PKD2: variants seen among roughly 807,000 people sequenced by gnomAD.
PKD2 encodes polycystin-2.
Under a neutral mutation model 105.9 loss-of-function variants are expected in PKD2, and 48 were observed. The ratio of observed to expected loss-of-function variants is 0.45; its 90% CI spans 0.36 to 0.58. The LOEUF is 0.58. Among genes scored for constraint, PKD2 ranks in the 20% least tolerant of loss-of-function variants. PKD2 has a pLI of 0.00. For missense variants in PKD2, 1,078 were observed against 1,255.3 expected, an observed-to-expected ratio of 0.86 and a Z score of 2.13; for synonymous variants, 464 against 481.1, an observed-to-expected ratio of 0.96 and a Z score of 0.46.
At chr4:88,056,372 ACCAGT>A in intron 8 of PKD2, 105 bp downstream of exon 8, 1 of 708,962 alleles carries the variant, frequency 1.4e-6, no homozygotes, top group Non-Finnish European at 2.4e-6. Context: ...ATTATTTAAA[ACCAGT>A]TATTTTAAGT....
intron 2 of PKD2, among the ~76,000 whole-genome samples, chr4:88,034,819 A>G (rs1727276470): frequency 6.6e-6 from 1 of 152,188 alleles, no homozygotes; most frequent in South Asian, 2.1e-4. Context: ...AATCACGGGT[A>G]TTCAGAACTG....
chr4:88,077,648 A>G lies in PKD2; in HGVS notation c.*1954A>G, dbSNP rs920420331. On this transcript the variant is annotated 3_prime_UTR_variant, in exon 15 of 15. Transcript: ENST00000237596. ...GAACTCCCCCCCTCATCTCTTCCCT[A>G]TTATCTTTCCCTGTGTACTGGTATT... 3.3e-5 allele frequency: 5 copies of G among 152,072 alleles called. No homozygotes were observed. The highest frequency in any genetic ancestry group is 9.7e-5 in the African/African-American group (4 of 41,398). 9.4% of individuals were successfully genotyped at this position (152,072 alleles called of 1,614,324 possible).
chr4:88,024,923 A>G (rs2110094332), intron 2 of PKD2, among the ~76,000 whole-genome samples: 1 of 151,782 alleles, frequency 6.6e-6, no homozygotes, highest in East Asian at 1.9e-4. Context: ...TCACGAGGTC[A>G]GGAGTTCAAG....
intron 1 of PKD2, among the ~76,000 whole-genome samples, 193 bp downstream of exon 1, chr4:88,008,521 C>T (rs1262519147): frequency 1.3e-5 from 2 of 152,156 alleles, no homozygotes; most frequent in East Asian, 3.9e-4. Flanking sequence ...TTCCACTGCT[C>T]TTTTGTTGGT....
intron 2 of PKD2, among the ~76,000 whole-genome samples, chr4:88,029,818 T>C (rs1023779007): frequency 4.6e-5 from 7 of 152,186 alleles, no homozygotes; most frequent in Non-Finnish European, 1.0e-4. Context: ...GAGAATTGTA[T>C]GAATGAAGGC....
intron 6 of PKD2, among the ~76,000 whole-genome samples, chr4:88,051,058 G>A (rs1200183040): frequency 6.6e-6 from 1 of 152,236 alleles, no homozygotes; most frequent in Non-Finnish European, 1.5e-5. Context: ...AGGTTGTTAT[G>A]ACTAACCCCT....
intron 5 of PKD2, among the ~76,000 whole-genome samples, chr4:88,044,759 A>G (rs1321621669): frequency 1.3e-5 from 2 of 152,214 alleles, no homozygotes; most frequent in Non-Finnish European, 2.9e-5. Flanking sequence ...GACCTGTCAC[A>G]TGAAGTCGGG....
At chr4:88,041,049 A>T (rs1323607975) in intron 4 of PKD2, among the ~76,000 whole-genome samples, 1 of 152,184 alleles carries the variant, frequency 6.6e-6, no homozygotes, top group Non-Finnish European at 1.5e-5. Flanking sequence ...GTGATACAAG[A>T]CACATCTCTA....
intron 13 of PKD2, among the ~76,000 whole-genome samples, chr4:88,070,590 A>T (rs1045616999): frequency 9.3e-6 from 1 of 107,954 alleles, no homozygotes; most frequent in Non-Finnish European, 1.9e-5. Context: ...ATATATATAT[A>T]TATATATATA....
chr4:88,012,711 C>G (rs776229652), intron 1 of PKD2, among the ~76,000 whole-genome samples: 8 of 152,102 alleles, frequency 5.3e-5, no homozygotes, highest in Non-Finnish European at 1.0e-4. Context: ...ACTCATTAAA[C>G]AGTAACTCCC....
In PKD2 at chr4:88,008,237, C is replaced by G. The variant is rs1294813507; in HGVS notation, c.504C>G (p.Val168=). The change falls in exon 1 of 15, where the codon GTC becomes GTG. Residue 168 remains valine (V), a synonymous_variant. Coordinates refer to ENST00000237596, the MANE Select transcript of PKD2 (RefSeq NM_000297.4). ...EDQGPPCPSP[V]GGGDPLHRHL... ...AGGGCCCGCCGTGCCCCAGCCCAGT[C>G]GGCGGCGGGGACCCGCTGCATCGCC... is the stretch of plus-strand genomic sequence containing the variant. 1.4e-6 allele frequency: 2 copies of G among 1,448,586 alleles called. No homozygotes were observed. The highest frequency in any genetic ancestry group is 1.4e-5 in the South Asian group (1 of 73,284). 89.7% of individuals were successfully genotyped at this position (1,448,586 alleles called of 1,614,324 possible).
At chr4:88,074,723 A>T in intron 13 of PKD2, 89 bp from the exon 14 acceptor site, 2 of 1,402,144 alleles carry the variant, frequency 1.4e-6, no homozygotes, top group Admixed American at 3.4e-5. Context: ...GCTTAAGAAA[A>T]AAATCTTAGC....
chr4:88,068,513 A>G (rs1720881331), intron 13 of PKD2, among the ~76,000 whole-genome samples: 1 of 152,106 alleles, frequency 6.6e-6, no homozygotes, highest in Non-Finnish European at 1.5e-5. Flanking sequence ...TTCTTACATA[A>G]TATGTTTACT....
chr4:88,071,339 T>G (rs1420591873), intron 13 of PKD2, among the ~76,000 whole-genome samples: 1 of 152,108 alleles, frequency 6.6e-6, no homozygotes, highest in African/African-American at 2.4e-5. Context: ...CATGAACCAC[T>G]GGACCCAGCC....
chr4:88,024,076 G>T (rs533577194), intron 2 of PKD2, among the ~76,000 whole-genome samples: 1 of 152,202 alleles, frequency 6.6e-6, no homozygotes, highest in South Asian at 2.1e-4. Context: ...AATATACATG[G>T]GTTACTGTTA....
At chr4:88,009,242 AGTATTTCAT>A (rs1726306513) in intron 1 of PKD2, among the ~76,000 whole-genome samples, 1 of 152,206 alleles carries the variant, frequency 6.6e-6, no homozygotes, top group Non-Finnish European at 1.5e-5. Flanking sequence ...TCCTTGGGAA[AGTATTTCAT>A]TTGCTTTTAC....
At chr4:88,011,411 C>G (rs1051429504) in intron 1 of PKD2, among the ~76,000 whole-genome samples, 1 of 151,632 alleles carries the variant, frequency 6.6e-6, no homozygotes, top group Non-Finnish European at 1.5e-5. Flanking sequence ...ATACCTCCCT[C>G]CCCTTCAATA....
At chr4:88,015,506 G>A (rs575207424) in intron 1 of PKD2, among the ~76,000 whole-genome samples, 28 of 151,916 alleles carry the variant, frequency 1.8e-4, no homozygotes, top group East Asian at 7.8e-4. Flanking sequence ...TCCGCCTCCC[G>A]GGTTCAAGCG....
chr4:88,040,438 G>A (rs1046994534), intron 4 of PKD2, among the ~76,000 whole-genome samples: 1 of 152,040 alleles, frequency 6.6e-6, no homozygotes, highest in Non-Finnish European at 1.5e-5. Flanking sequence ...TCTACTCCAG[G>A]GTGGATTGCC....
Sources: gnomAD v4.1 joint callset for allele counts (sites outside exome capture counted in the v4.1 genomes callset) on GRCh38, gnomAD v4.1.1 for gene constraint, MANE v1.5 for transcripts, NCBI Gene and HGNC (gene_info 2026-07-23, HGNC 2026-07-21) for gene names.